Variants in KLK2 observed in about 807,000 individuals in gnomAD.
KLK2 encodes the protein kallikrein-2.
In KLK2, 17 loss-of-function variants were observed where a neutral mutation model predicts 23.0. The ratio of observed to expected loss-of-function variants is 0.74; its 90% CI spans 0.51 to 1.11. The LOEUF (loss-of-function observed/expected upper bound fraction) is 1.11, where lower values mean the gene tolerates loss of function less well. Ranked by LOEUF, KLK2 falls within the 50% of genes least tolerant of loss-of-function variation. The pLI is 0.00. For synonymous variants in KLK2, 140 were observed against 124.7 expected (o/e 1.12, Z -0.82); for missense variants, 330 against 325.9 (o/e 1.01, Z -0.10).
Position 50,878,596 on chromosome 19 carries a change from G to T in KLK2, c.*37G>T. ...CCACCCCTACCTCTAGTAAATTTAA[G>T]TCCACCTCACGTTCTGGCATCACTT... On this transcript the variant is annotated 3_prime_UTR_variant, in exon 5 of 5. Transcript: ENST00000325321. The T allele has an allele frequency of 6.3e-7, 1 of 1,586,920 alleles. No homozygotes were observed. Among genetic ancestry groups the T allele is most frequent in the South Asian group, 1.1e-5 (1 of 88,434 alleles).
chr19:50,876,757 G>A lies in KLK2; in HGVS notation c.492G>A (p.Glu164=). Residue 164 remains glutamate (E), a splice_region_variant and synonymous_variant, in exon 3 of 5, where the codon GAG becomes GAA. Transcript: ENST00000325321. ...GCTGGGGCAGCATCGAACCAGAGGA[G>A]TGTACGCCTGGGCCAGATGGTGTAG... ...ASGWGSIEPE[E]FLRPRSLQCV... 1 of 1,613,802 alleles carries A rather than the reference G, an allele frequency of 6.2e-7. No individual in the cohort carries two copies. Among genetic ancestry groups the A allele is most frequent in the Non-Finnish European group, 8.5e-7 (1 of 1,179,832 alleles).
At chr19:50,877,135 C>G in intron 4 of KLK2, 127 bp downstream of exon 4, 1 of 1,248,366 alleles carries the variant, frequency 8.0e-7, no homozygotes, top group South Asian at 1.4e-5. Context: ...CGCCCCCTCC[C>G]CATGCCTCAT....
chr19:50,878,321 C>A, intron 4 of KLK2, 83 bp from the exon 5 acceptor site: 1 of 1,343,702 alleles, frequency 7.4e-7, no homozygotes, highest in Non-Finnish European at 1.0e-6. Flanking sequence ...AGTCATCTGC[C>A]TGCGCGGTTC....
Position 50,876,459 on chromosome 19 carries a change from C to T in KLK2, c.207-13C>T, listed in dbSNP as rs763386699. On this transcript the variant is annotated splice_polypyrimidine_tract_variant and intron_variant, in intron 2 of 4. Coordinates refer to ENST00000325321, the MANE Select transcript of KLK2 (RefSeq NM_005551.5). ...TTTCTCTCTCCTCATGCATCCACCCCCTTCCTCCCCAGGAATAGCCAGGTC... is the reference window on the plus strand; with the variant it reads ...TTTCTCTCTCCTCATGCATCCACCCTCTTCCTCCCCAGGAATAGCCAGGTC... 6 of 1,613,554 alleles carry T rather than the reference C, an allele frequency of 3.7e-6. No homozygotes were observed. In the South Asian group the frequency reaches 6.6e-5, roughly 18 times the overall value.
At chr19:50,874,697 C>T in intron 1 of KLK2, 24 bp from the exon 2 acceptor site, 1 of 1,595,330 alleles carries the variant, frequency 6.3e-7, no homozygotes, top group Non-Finnish European at 8.5e-7. Flanking sequence ...GTCTGATCCC[C>T]CTGACCCAGC....
intron 4 of KLK2, chr19:50,877,395 T>C: frequency 3.9e-6 from 1 of 253,850 alleles, no homozygotes; most frequent in Non-Finnish European, 7.7e-6. Flanking sequence ...TGTCAGGAAG[T>C]GATCGGGCTC....
At chr19:50,877,298 T>TA (rs766576794) in intron 4 of KLK2, 8 of 478,496 alleles carry the variant, frequency 1.7e-5, no homozygotes. Flanking sequence ...AGTGAACAGG[T>TA]AGAGAGCAGC....
chr19:50,873,732 C>G, intron 1 of KLK2: 1 of 533,414 alleles, frequency 1.9e-6, no homozygotes, highest in Non-Finnish European at 3.3e-6. Flanking sequence ...ATTGCCCAGC[C>G]AAATCCCTGC....
intron 4 of KLK2, chr19:50,877,870 C>T (rs198976): frequency 0.43 from 68,781 of 158,750 alleles, 16,560 homozygotes; most frequent in African/African-American, 0.67. Flanking sequence ...CCAGGCCTTG[C>T]CCCTGCCTGG....
rs2090321576 is a variant in KLK2 at position 50,879,509 on chromosome 19, T to TAA, written c.*951_*952insAA. 1 of 231,156 alleles carries TAA rather than the reference T, an allele frequency of 4.3e-6. No individual in the cohort carries two copies. The highest frequency in any genetic ancestry group is 5.6e-5 in the Admixed American group (1 of 17,706). 14.3% of individuals were successfully genotyped at this position (231,156 alleles called of 1,614,324 possible). A position where few individuals can be genotyped will look rare whatever the true frequency, so the allele number is the denominator to read the frequency against. ...CAGTTATTCTCTCCAAGTGGAGACT[T>TAA]ACGGACAGCATATAATTCTCCCTGC... On this transcript the variant is annotated 3_prime_UTR_variant, in exon 5 of 5. Transcript: ENST00000325321.
At position 50,874,845 on chromosome 19, in the gene KLK2, C is replaced by T; in HGVS notation, c.171C>T (p.Pro57=). 6.2e-7 allele frequency: 1 copy of T among 1,613,194 alleles called. No individual in the cohort carries two copies. Among genetic ancestry groups the T allele is most frequent in the South Asian group, 1.1e-5 (1 of 90,952 alleles). Residue 57 remains proline, a synonymous_variant, in exon 2 of 5, where the codon CCC becomes CCT. Transcript: ENST00000325321. ...WAHCGGVLVH[P]QWVLTAAHCL... is the part of the protein sequence containing the mutation. ...ACTGTGGGGGTGTCCTGGTGCACCC[C>T]CAGTGGGTGCTCACAGCTGCCCATT...
intron 3 of KLK2, 44 bp from the exon 4 acceptor site, chr19:50,876,828 C>A: frequency 6.2e-7 from 1 of 1,610,340 alleles, no homozygotes; most frequent in Non-Finnish European, 8.5e-7. Context: ...GGCCAAAGAA[C>A]CAGGTGGGGT....
Position 50,876,816 on chromosome 19 carries a change from G to GA in KLK2, c.494-56_494-55insA. 2.5e-6 allele frequency: 4 copies of GA among 1,609,986 alleles called. No individual in the cohort carries two copies. In the South Asian group the frequency reaches 4.4e-5, roughly 18 times the overall value. On this transcript the variant is annotated intron_variant, in intron 3 of 4. Transcript: ENST00000325321. ...CCAGATGCCTGGGTCTGAGGGAAGT[G>GA]GGGCCAAAGAACCAGGTGGGGTCCG...
In KLK2 at chr19:50,873,486, G is replaced by A; in HGVS notation, c.13G>A (p.Val5Ile). 6.2e-7 allele frequency: 1 copy of A among 1,601,582 alleles called. No individual in the cohort carries two copies. Among genetic ancestry groups the A allele is most frequent in the Non-Finnish European group, 8.5e-7 (1 of 1,172,738 alleles). The change falls in exon 1 of 5, where the codon GTT (valine) becomes ATT (isoleucine). Residue 5 changes from valine (V) to isoleucine (I), a missense_variant. Physicochemically the swap from Val to Ile is conservative, Grantham distance 29. Coordinates refer to ENST00000325321, the MANE Select transcript of KLK2 (RefSeq NM_005551.5). MWDL[V>I]LSIALSVGCT... ...CACCTGTGTCAGCATGTGGGACCTGGTTCTCTCCATCGCCTTGTCTGTGGG... is the reference window on the plus strand; with the variant it reads ...CACCTGTGTCAGCATGTGGGACCTGATTCTCTCCATCGCCTTGTCTGTGGG...
In KLK2 at chr19:50,880,182, T is replaced by C. The variant is rs962371208; in HGVS notation, c.*1623T>C. On this transcript the variant is annotated 3_prime_UTR_variant, in exon 5 of 5. Coordinates refer to ENST00000325321, the MANE Select transcript of KLK2 (RefSeq NM_005551.5). ...CACACATAGCACCGGAGATATGAGA[T>C]CAACAGTTTCTTAGCCATAGAGATT... 4.3e-6 allele frequency: 1 copy of C among 230,136 alleles called. No homozygotes were observed. The highest frequency in any genetic ancestry group is 2.2e-5 in the African/African-American group (1 of 45,138). The allele number at this position is 230,136 out of a possible 1,614,324, so 14.3% of individuals were successfully genotyped here.
chr19:50,880,262 G>A lies in KLK2; in HGVS notation c.*1703G>A, dbSNP rs1196947967. ...CCATGCAGGATGACATGGGGGATGC[G>A]CTCGGGATTGGTGTGAAGAAGCAAG... is the stretch of plus-strand genomic sequence containing the variant. On this transcript the variant is annotated 3_prime_UTR_variant, in exon 5 of 5. Coordinates refer to ENST00000325321, the MANE Select transcript of KLK2 (RefSeq NM_005551.5). 1.3e-5 allele frequency: 3 copies of A among 229,952 alleles called. No individual in the cohort carries two copies. The highest frequency in any genetic ancestry group is 1.8e-4 in the South Asian group (1 of 5,506). The allele number at this position is 229,952 out of a possible 1,614,324, so 14.2% of individuals were successfully genotyped here. A position where few individuals can be genotyped will look rare whatever the true frequency, so the allele number is the denominator to read the frequency against.
Position 50,874,863 on chromosome 19 carries a change from T to G in KLK2, c.189T>G (p.Ala63=). ...TGCACCCCCAGTGGGTGCTCACAGC[T>G]GCCCATTGCCTAAAGAAGTAAGTAG... The part of the protein sequence containing the change: ...VLVHPQWVLT[A]AHCLKKNSQV... Residue 63 remains alanine (A), a synonymous_variant, in exon 2 of 5, where the codon GCT becomes GCG. Coordinates refer to ENST00000325321, the MANE Select transcript of KLK2 (RefSeq NM_005551.5). 1 of 1,613,042 alleles carries G rather than the reference T, an allele frequency of 6.2e-7. No individual in the cohort carries two copies. Among genetic ancestry groups the G allele is most frequent in the Non-Finnish European group, 8.5e-7 (1 of 1,179,360 alleles).
rs759638201 is a variant in KLK2, at chr19:50,876,474, A to G, written c.209A>G (p.Asn70Ser). 1 of 1,613,974 alleles carries G rather than the reference A, an allele frequency of 6.2e-7. No homozygotes were observed. The highest frequency in any genetic ancestry group is 1.1e-5 in the South Asian group (1 of 91,072). ...VLTAAHCLKK[N>S]SQVWLGRHNL... Reference sequence around the variant, plus strand: ...GCATCCACCCCCTTCCTCCCCAGGAATAGCCAGGTCTGGCTGGGTCGGCAC... The same window carrying G: ...GCATCCACCCCCTTCCTCCCCAGGAGTAGCCAGGTCTGGCTGGGTCGGCAC... The change falls in exon 3 of 5, where the codon AAT becomes AGT. Residue 70 changes from asparagine (N) to serine (S), a missense_variant and splice_region_variant. By Grantham distance (46) the Asn-to-Ser change is conservative. Coordinates refer to ENST00000325321, the MANE Select transcript of KLK2 (RefSeq NM_005551.5).
At chr19:50,877,029 A>G (rs2090296679) in intron 4 of KLK2, 21 bp downstream of exon 4, 1 of 1,613,984 alleles carries the variant, frequency 6.2e-7, no homozygotes, top group Non-Finnish European at 8.5e-7. Flanking sequence ...CCTACTCCCA[A>G]CATCTGGAGG....
Sources: allele counts gnomAD v4.1 joint callset, GRCh38; gene constraint gnomAD v4.1.1; transcripts MANE v1.5; gene names NCBI Gene and HGNC (gene_info 2026-07-23, HGNC 2026-07-21).